GABRA1: variants seen among roughly 807,000 people sequenced by gnomAD.
GABRA1 encodes the protein gamma-aminobutyric acid type A receptor subunit alpha1, also known as gamma-aminobutyric acid receptor subunit alpha-1.
A neutral mutation model predicts 48.9 loss-of-function variants in GABRA1; 9 were observed. The observed-to-expected ratio is 0.18, with a 90% CI of 0.11 to 0.32. GABRA1 has a LOEUF of 0.32. GABRA1 is among the 10% of genes least tolerant of loss of function. The pLI is 1.00. For missense variants in GABRA1, 285 were observed against 553.8 expected (o/e 0.51, Z 4.87); for synonymous variants, 210 against 198.7 (o/e 1.06, Z -0.48).
rs575122091 is a variant in GABRA1, at chr5:161,854,772, C to G, written c.187+502C>G. Among the ~76,000 whole-genome samples the G allele has an allele frequency of 4.0e-5, 6 of 151,660 alleles. No individual in the cohort carries two copies. In the East Asian group the frequency reaches 9.7e-4, roughly 24 times the overall value. On this transcript the variant is annotated intron_variant, in intron 3 of 9. Transcript: ENST00000393943. ...ATGGTAGTGTTGTGGTTTAACTGTGCATTTGAACTTATACCCTAATTTTCT... is the reference window on the plus strand; with the variant it reads ...ATGGTAGTGTTGTGGTTTAACTGTGGATTTGAACTTATACCCTAATTTTCT...
chr5:161,888,639 T>C (rs1348489607), intron 7 of GABRA1, among the ~76,000 whole-genome samples: 1 of 152,072 alleles, frequency 6.6e-6, no homozygotes, highest in Non-Finnish European at 1.5e-5. Context: ...AATGAATTGT[T>C]AGGAATAATA....
intron 4 of GABRA1, among the ~76,000 whole-genome samples, chr5:161,869,206 A>G (rs560645908): frequency 4.6e-5 from 7 of 152,334 alleles, no homozygotes; most frequent in Admixed American, 1.3e-4. Context: ...TAAAGTGAGA[A>G]CTAATAAATT....
chr5:161,867,152 C>T (rs531612263), intron 4 of GABRA1, among the ~76,000 whole-genome samples: 1 of 152,086 alleles, frequency 6.6e-6, no homozygotes, highest in Non-Finnish European at 1.5e-5. Context: ...GTCTGTAGAC[C>T]ACTTTATTGA....
At chr5:161,892,670 A>AAAACAAACAAAC (rs3078109) in intron 8 of GABRA1, among the ~76,000 whole-genome samples, 71 of 150,870 alleles carry the variant, frequency 4.7e-4, no homozygotes, top group African/African-American at 1.6e-3. Flanking sequence ...CTAGGAAATT[A>AAAACAAACAAAC]AAACAAACAA....
chr5:161,876,093 C>T (rs1456085460), intron 6 of GABRA1, among the ~76,000 whole-genome samples: 2 of 151,938 alleles, frequency 1.3e-5, no homozygotes, highest in African/African-American at 4.8e-5. Flanking sequence ...AATAATGAAG[C>T]CTACACCAAA....
At chr5:161,870,946 C>CTGTGTGTG (rs59726286) in intron 4 of GABRA1, among the ~76,000 whole-genome samples, 108 of 141,508 alleles carry the variant, frequency 7.6e-4, no homozygotes, top group African/African-American at 2.7e-3. Context: ...GAGTGTTGCT[C>CTGTGTGTG]TGTGTGTGTG....
chr5:161,883,115 T>G (rs1267376385), intron 7 of GABRA1, among the ~76,000 whole-genome samples: 2 of 152,182 alleles, frequency 1.3e-5, no homozygotes, highest in Non-Finnish European at 2.9e-5. Flanking sequence ...AAGCTTTTCA[T>G]AAATAACTAT....
At position 161,898,832 on chromosome 5, in the gene GABRA1, TA is replaced by T. The variant is rs1361416688; in HGVS notation, c.*1413del. Reference sequence around the variant, plus strand: ...ATAAGTGTTGTACCATATGTAGCATTAAATATAAAATACATAAAAGAATGTA... The same window carrying T: ...ATAAGTGTTGTACCATATGTAGCATTAATATAAAATACATAAAAGAATGTA... On this transcript the variant is annotated 3_prime_UTR_variant, in exon 10 of 10. Transcript: ENST00000393943. The T allele has an allele frequency of 6.6e-6, 1 of 152,562 alleles. No homozygotes were observed. Among genetic ancestry groups the T allele is most frequent in the African/African-American group, 2.4e-5 (1 of 41,464 alleles). The allele number at this position is 152,562 out of a possible 1,614,324, so 9.5% of individuals were successfully genotyped here. A position where few individuals can be genotyped will look rare whatever the true frequency, so the allele number is the denominator to read the frequency against.
intron 6 of GABRA1, 96 bp downstream of exon 6, chr5:161,875,738 A>G (rs997722613): frequency 3.3e-6 from 3 of 921,768 alleles, no homozygotes; most frequent in African/African-American, 1.6e-5. Context: ...AAGGGAATCA[A>G]GAAAATTTAA....
At chr5:161,885,010 C>A (rs2113423515) in intron 7 of GABRA1, among the ~76,000 whole-genome samples, 1 of 152,272 alleles carries the variant, frequency 6.6e-6, no homozygotes, top group South Asian at 2.1e-4. Flanking sequence ...CCCATTGACA[C>A]CTATGAGGGT....
intron 3 of GABRA1, among the ~76,000 whole-genome samples, chr5:161,859,117 T>A (rs1757758512): frequency 6.6e-6 from 1 of 151,712 alleles, no homozygotes; most frequent in African/African-American, 2.4e-5. Context: ...TTTTGGGGGT[T>A]TTGTTTTGTT....
At chr5:161,893,043 AATAAT>A (rs1354928153) in intron 8 of GABRA1, among the ~76,000 whole-genome samples, 1 of 139,380 alleles carries the variant, frequency 7.2e-6, no homozygotes, top group Non-Finnish European at 1.6e-5. Context: ...TAATAATAAT[AATAAT>A]AAAATAAACA....
At chr5:161,874,348 A>C (rs1291435574) in intron 5 of GABRA1, among the ~76,000 whole-genome samples, 1 of 152,174 alleles carries the variant, frequency 6.6e-6, no homozygotes, top group Non-Finnish European at 1.5e-5. Flanking sequence ...GACTTAAAAA[A>C]ATCTAAAAGA....
At chr5:161,892,397 G>A (rs1445453360) in intron 8 of GABRA1, among the ~76,000 whole-genome samples, 1 of 152,166 alleles carries the variant, frequency 6.6e-6, no homozygotes, top group Non-Finnish European at 1.5e-5. Context: ...GCAAGACTCT[G>A]CTACAAGTAC....
rs1213860459 is a variant in GABRA1, at chr5:161,898,808, TAA to T, written c.*1387_*1388del. On this transcript the variant is annotated 3_prime_UTR_variant, in exon 10 of 10. Coordinates refer to ENST00000393943, the MANE Select transcript of GABRA1 (RefSeq NM_001127644.2). ...TATTTGCTAATACCAACTATTTCAA[TAA>T]GTGTTGTACCATATGTAGCATTAAA... The T allele has an allele frequency of 6.6e-6, 1 of 152,544 alleles. No homozygotes were observed. Among genetic ancestry groups the T allele is most frequent in the Non-Finnish European group, 1.5e-5 (1 of 67,970 alleles). The allele number at this position is 152,544 out of a possible 1,614,324, so 9.4% of individuals were successfully genotyped here.
chr5:161,848,351 A>C lies in GABRA1; in HGVS notation c.-87A>C, dbSNP rs1355790226. On this transcript the variant is annotated 5_prime_UTR_variant, in exon 1 of 10. Transcript: ENST00000393943. ...GGACTCGCAGACTCGCGCTGGCTCC[A>C]GTCTCTCCACGATTCTCTCTCCCAG... is the stretch of plus-strand genomic sequence containing the variant. 1.3e-5 allele frequency: 2 copies of C among 152,480 alleles called. No homozygotes were observed. Among genetic ancestry groups the C allele is most frequent in the Non-Finnish European group, 1.5e-5 (1 of 68,416 alleles). 9.4% of individuals were successfully genotyped at this position (152,480 alleles called of 1,614,324 possible).
At chr5:161,850,767 C>CA (rs1411773106) in intron 1 of GABRA1, 29 bp from the exon 2 acceptor site, 1 of 1,549,198 alleles carries the variant, frequency 6.5e-7, no homozygotes, top group Non-Finnish European at 8.9e-7. Flanking sequence ...TTGCTAGAGA[C>CA]ATTGATCTCT....
At position 161,897,432 on chromosome 5, in the gene GABRA1, T is replaced by G; in HGVS notation, c.*10T>G. On this transcript the variant is annotated 3_prime_UTR_variant, in exon 10 of 10. Coordinates refer to ENST00000393943, the MANE Select transcript of GABRA1 (RefSeq NM_001127644.2). ...CACACCACATCAATAGATCTTTTAC[T>G]CACATTCTGTTGTTCAGTCCTCTGC... 1 of 1,610,118 alleles carries G rather than the reference T, an allele frequency of 6.2e-7. No homozygotes were observed.
At chr5:161,873,859 T>C (rs1278418802) in intron 5 of GABRA1, among the ~76,000 whole-genome samples, 1 of 152,212 alleles carries the variant, frequency 6.6e-6, no homozygotes, top group Non-Finnish European at 1.5e-5. Flanking sequence ...AGACTACGTA[T>C]ACATTTCTGT....
Sources: gnomAD v4.1 joint callset for allele counts (sites outside exome capture counted in the v4.1 genomes callset) on GRCh38, gnomAD v4.1.1 for gene constraint, MANE v1.5 for transcripts, NCBI Gene and HGNC (gene_info 2026-07-23, HGNC 2026-07-21) for gene names.